The following STEAP1B variants were observed in gnomAD, a reference collection of about 807,000 sequenced individuals.
The protein encoded by STEAP1B is STEAP family protein MGC87042.
A neutral mutation model predicts 27.9 loss-of-function variants in STEAP1B; 13 were observed. That is an observed-to-expected ratio of 0.47 (90% CI 0.30 to 0.74). STEAP1B has a LOEUF of 0.74. STEAP1B is among the 30% of genes least tolerant of loss of function. The pLI is 0.06. For synonymous variants in STEAP1B, 86 were observed against 107.1 expected, an observed-to-expected ratio of 0.80 and a Z score of 1.22; for missense variants, 250 against 298.7, an observed-to-expected ratio of 0.84 and a Z score of 1.20.
chr7:22,428,658 T>C (rs1177216918), intron 4 of STEAP1B, among the ~76,000 whole-genome samples: 2 of 151,950 alleles, frequency 1.3e-5, no homozygotes, highest in Non-Finnish European at 2.9e-5. Context: ...CTACCAATAT[T>C]TAAAAAATAA....
intron 4 of STEAP1B, among the ~76,000 whole-genome samples, chr7:22,460,742 C>G (rs550292432): frequency 5.3e-5 from 8 of 152,340 alleles, no homozygotes; most frequent in African/African-American, 1.7e-4. Context: ...AAAGCCATCA[C>G]ACTCACACCA....
At chr7:22,486,311 T>A (rs1277311363) in intron 4 of STEAP1B, among the ~76,000 whole-genome samples, 1 of 152,182 alleles carries the variant, frequency 6.6e-6, no homozygotes, top group African/African-American at 2.4e-5. Context: ...CTGTGGAGTA[T>A]AGTTCTGTGT....
chr7:22,456,846 C>A (rs1395191501), intron 4 of STEAP1B, among the ~76,000 whole-genome samples: 1 of 150,030 alleles, frequency 6.7e-6, no homozygotes, highest in Non-Finnish European at 1.5e-5. Context: ...AGGGTAGCAG[C>A]CAATCTAGGA....
chr7:22,437,810 A>T (rs1047178748), intron 4 of STEAP1B, among the ~76,000 whole-genome samples: 5 of 152,228 alleles, frequency 3.3e-5, no homozygotes, highest in African/African-American at 1.2e-4. Context: ...AGCATGAGGT[A>T]ATATCTCACT....
intron 4 of STEAP1B, among the ~76,000 whole-genome samples, chr7:22,433,879 C>A (rs574953468): frequency 6.6e-6 from 1 of 152,172 alleles, no homozygotes; most frequent in Non-Finnish European, 1.5e-5. Context: ...TCATCCACCA[C>A]CGATCACGTT....
At chr7:22,497,124 T>C in intron 1 of STEAP1B, among the ~76,000 whole-genome samples, 1 of 152,210 alleles carries the variant, frequency 6.6e-6, no homozygotes, top group East Asian at 1.9e-4. Context: ...AGTGGGTATA[T>C]GACTCAGGCC....
chr7:22,491,107 T>C (rs748201720), intron 4 of STEAP1B, among the ~76,000 whole-genome samples: 2 of 152,220 alleles, frequency 1.3e-5, no homozygotes, highest in Admixed American at 6.5e-5. Flanking sequence ...AGATATGTAG[T>C]AGTAAGTGCA....
intron 4 of STEAP1B, chr7:22,438,891 T>C: frequency 8.4e-7 from 1 of 1,192,494 alleles, no homozygotes; most frequent in Non-Finnish European, 1.1e-6. Flanking sequence ...TCAACTATTT[T>C]ATTATTTGGT....
chr7:22,494,885 A>C lies in STEAP1B; in HGVS notation c.-30T>G. 7.4e-7 allele frequency: 1 copy of C among 1,359,114 alleles called. No homozygotes were observed. Among genetic ancestry groups the C allele is most frequent in the South Asian group, 1.4e-5 (1 of 71,802 alleles). 84.2% of individuals were successfully genotyped at this position (1,359,114 alleles called of 1,614,324 possible). On this transcript the variant is annotated splice_region_variant and 5_prime_UTR_variant, in exon 2 of 5. Coordinates refer to ENST00000678116, the MANE Select transcript of STEAP1B (RefSeq NM_001382447.1). ...TCTATAAAATAGTATGGCTTCAGCC[A>C]CCTGTAAAAATAAAAATAATTACTT... is the stretch of plus-strand genomic sequence containing the variant.
intron 4 of STEAP1B, among the ~76,000 whole-genome samples, chr7:22,427,288 A>G (rs1184499106): frequency 2.6e-5 from 4 of 152,242 alleles, no homozygotes; most frequent in Admixed American, 2.6e-4. Flanking sequence ...ACAATAGGCC[A>G]AGCAAGAGGC....
At chr7:22,467,977 G>A (rs955269428) in intron 4 of STEAP1B, among the ~76,000 whole-genome samples, 1 of 152,030 alleles carries the variant, frequency 6.6e-6, no homozygotes, top group African/African-American at 2.4e-5. Context: ...CCCAGAATGG[G>A]ACCCCTAAAA....
At chr7:22,424,293 A>T (rs1182395360) in intron 4 of STEAP1B, among the ~76,000 whole-genome samples, 1 of 152,356 alleles carries the variant, frequency 6.6e-6, no homozygotes, top group East Asian at 1.9e-4. Context: ...GTTTGTAAAG[A>T]CTTCATAGAA....
At chr7:22,475,892 C>T (rs560508433) in intron 4 of STEAP1B, among the ~76,000 whole-genome samples, 4 of 152,318 alleles carry the variant, frequency 2.6e-5, no homozygotes, top group Admixed American at 2.0e-4. Flanking sequence ...TAGAAACTGT[C>T]TGCCTTTTTT....
intron 4 of STEAP1B, among the ~76,000 whole-genome samples, chr7:22,442,753 A>T (rs1246954287): frequency 6.6e-6 from 1 of 152,210 alleles, no homozygotes; most frequent in Non-Finnish European, 1.5e-5. Context: ...TTAAAAAGAG[A>T]AAATGAGGCA....
At chr7:22,449,732 T>C (rs796249771) in intron 4 of STEAP1B, among the ~76,000 whole-genome samples, 10 of 152,360 alleles carry the variant, frequency 6.6e-5, no homozygotes, top group African/African-American at 1.9e-4. Context: ...CTGTTCTTCA[T>C]AGTGGTTGTA....
intron 4 of STEAP1B, among the ~76,000 whole-genome samples, chr7:22,471,111 G>A (rs754213267): frequency 2.0e-5 from 3 of 152,084 alleles, no homozygotes; most frequent in African/African-American, 4.8e-5. Flanking sequence ...CATTTCCTAC[G>A]GAGTGCAGCC....
intron 4 of STEAP1B, among the ~76,000 whole-genome samples, chr7:22,442,789 G>T (rs1298085576): frequency 2.0e-5 from 3 of 152,182 alleles, no homozygotes; most frequent in Non-Finnish European, 4.4e-5. Context: ...GGGTGTCCTG[G>T]GTTGCCGCCA....
chr7:22,461,488 C>CACCTCAGGT (rs1467779719), intron 4 of STEAP1B, among the ~76,000 whole-genome samples: 1 of 152,134 alleles, frequency 6.6e-6, no homozygotes, highest in Non-Finnish European at 1.5e-5. Flanking sequence ...GTCTTGAACT[C>CACCTCAGGT]CTGACCTCAG....
intron 4 of STEAP1B, among the ~76,000 whole-genome samples, chr7:22,430,920 A>C (rs572931705): frequency 6.6e-6 from 1 of 152,226 alleles, no homozygotes; most frequent in Non-Finnish European, 1.5e-5. Context: ...TCTCTCTGCC[A>C]TCAGGCATTT....
Sources: allele counts gnomAD v4.1 joint callset (sites outside exome capture counted in the v4.1 genomes callset), GRCh38; gene constraint gnomAD v4.1.1; transcripts MANE v1.5; gene names NCBI Gene and HGNC (gene_info 2026-07-23, HGNC 2026-07-21).